ARHGEF9: variants seen among roughly 807,000 people sequenced by gnomAD.
ARHGEF9 encodes the protein Cdc42 guanine nucleotide exchange factor 9, also known as rho guanine nucleotide exchange factor 9.
A neutral mutation model predicts 41.3 loss-of-function variants in ARHGEF9; 2 were observed. The ratio of observed to expected loss-of-function variants is 0.05; its 90% CI spans 0.02 to 0.15. The LOEUF is 0.15. ARHGEF9 is among the 10% of genes least tolerant of loss of function. The probability of loss-of-function intolerance (pLI) is 1.00; values close to 1 mark genes in which losing one functional copy is unlikely to be tolerated. For synonymous variants in ARHGEF9, 160 were observed against 154.4 expected (o/e 1.04, Z -0.27); for missense variants, 225 against 424.7 (o/e 0.53, Z 4.13).
intron 4 of ARHGEF9, among the ~76,000 whole-genome samples, chrX:63,684,755 G>A (rs1250949650): frequency 1.8e-5 from 2 of 109,526 alleles, no homozygotes; most frequent in Admixed American, 2.0e-4. Context: ...TATACATACA[G>A]AGACACAGAA....
intron 4 of ARHGEF9, among the ~76,000 whole-genome samples, chrX:63,684,296 T>C (rs1423667275): frequency 9.1e-6 from 1 of 110,479 alleles, no homozygotes; most frequent in African/African-American, 3.3e-5. Flanking sequence ...ATCAGGAAAA[T>C]GCATATCAAA....
At position 63,785,100 on chromosome X, in the gene ARHGEF9, G is replaced by A; in HGVS notation, c.30+16C>T. The A allele has an allele frequency of 1.7e-6, 2 of 1,164,929 alleles. No homozygotes were observed. The highest frequency in any genetic ancestry group is 1.9e-5 in the South Asian group (1 of 52,438). On this transcript the variant is annotated intron_variant, in intron 1 of 9. Transcript: ENST00000671741. ...GAGAGGCTCAAGCAAGGGAAGCCAA[G>A]GTTACATGCACTCACCATTCCCGAT... is the stretch of plus-strand genomic sequence containing the variant.
intron 1 of ARHGEF9, chrX:63,743,414 T>C (rs2055081829): frequency 8.9e-6 from 1 of 112,543 alleles, no homozygotes; most frequent in Non-Finnish European, 1.9e-5. Context: ...TCCTTAGCCA[T>C]AAAATTGGGA....
At chrX:63,706,157 G>A (rs2052531008) in intron 3 of ARHGEF9, 101 bp downstream of exon 3, 3 of 906,398 alleles carry the variant, frequency 3.3e-6, no homozygotes, top group Middle Eastern at 7.6e-4. Context: ...GAATCTGGGA[G>A]GCTATGTGCC....
intron 2 of ARHGEF9, chrX:63,720,004 C>T: frequency 4.1e-6 from 1 of 246,163 alleles, no homozygotes; most frequent in East Asian, 6.0e-5. Flanking sequence ...TCATAAGGGC[C>T]ACCATGCATA....
chrX:63,778,205 G>C (rs1221612805), intron 1 of ARHGEF9, among the ~76,000 whole-genome samples: 1 of 112,446 alleles, frequency 8.9e-6, no homozygotes, highest in Non-Finnish European at 1.9e-5. Context: ...CTTGACTTCT[G>C]TGTACCCGCA....
chrX:63,655,714 C>T lies in ARHGEF9; in HGVS notation c.1101G>A (p.Leu367=), dbSNP rs1556335061. The T allele has an allele frequency of 1.7e-6, 2 of 1,209,490 alleles. No homozygotes were observed. The highest frequency in any genetic ancestry group is 3.5e-5 in the South Asian group (2 of 56,944). The part of the protein sequence containing the change: ...CKKDLIRRDI[L]YYKGRIDMDK... Reference sequence around the variant, plus strand: ...CCATGTCAATGCGGCCTTTGTAGTACAGGATGTCTCTCCGGATTAGGTCCT... The same window carrying T: ...CCATGTCAATGCGGCCTTTGTAGTATAGGATGTCTCTCCGGATTAGGTCCT... Residue 367 remains leucine, a synonymous_variant, in exon 8 of 10, where the codon CTG becomes CTA. Coordinates refer to ENST00000671741, the MANE Select transcript of ARHGEF9 (RefSeq NM_001353921.2).
At position 63,724,690 on chromosome X, in the gene ARHGEF9, C is replaced by T. The variant is rs1556415925; in HGVS notation, c.52G>A (p.Val18Ile). Residue 18 changes from valine to isoleucine, a missense_variant, in exon 2 of 10, where the codon GTT (valine) becomes ATT (isoleucine). Around this residue, in one of 3 missense-constraint regions of ARHGEF9, gnomAD observed 114 missense variants for 197.9 expected, o/e 0.58. Transcript: ENST00000671741. The stretch of plus-strand genomic sequence containing the variant: ...TGATCCCATACTGCCTCAGCACTAA[C>T]GATGGAATCTCCAGTGATCAGCTTA... Reference protein sequence around the residue: ...SGMLITGDSIVSAEAVWDHVT... With the variant: ...SGMLITGDSIISAEAVWDHVT... The T allele has an allele frequency of 5.8e-6, 7 of 1,211,503 alleles. No homozygotes were observed. The highest frequency in any genetic ancestry group is 3.5e-5 in the African/African-American group (2 of 57,735).
At chrX:63,776,823 T>A (rs2056300773) in intron 1 of ARHGEF9, among the ~76,000 whole-genome samples, 1 of 111,972 alleles carries the variant, frequency 8.9e-6, no homozygotes, top group South Asian at 3.7e-4. Flanking sequence ...ACGGCACTTT[T>A]AAATGCTAGG....
Position 63,655,517 on chromosome X carries a change from A to G in ARHGEF9, c.1298T>C (p.Met433Thr). The G allele has an allele frequency of 8.3e-7, 1 of 1,210,184 alleles. No homozygotes were observed. The highest frequency in any genetic ancestry group is 1.1e-6 in the Non-Finnish European group (1 of 894,965). Residue 433 changes from methionine to threonine, a missense_variant, in exon 8 of 10, where the codon ATG (methionine) becomes ACG (threonine). Met to Thr is a moderately conservative substitution (Grantham distance 81, BLOSUM62 -1). Coordinates refer to ENST00000671741, the MANE Select transcript of ARHGEF9 (RefSeq NM_001353921.2). ...ACCAATTTTTTCATCTTCCTGTACC[A>G]TTTTCCTCTCTTCTCTGAAAGCCCT... is the stretch of plus-strand genomic sequence containing the variant. The part of the protein sequence containing the change: ...WLRAFREERK[M>T]VQEDEKIGFE...
chrX:63,652,048 T>A (rs1556329626), intron 8 of ARHGEF9, among the ~76,000 whole-genome samples: 1 of 111,659 alleles, frequency 9.0e-6, no homozygotes, highest in Admixed American at 9.6e-5. Flanking sequence ...ATTCTACAAA[T>A]CTTTCAGAAT....
chrX:63,755,345 A>G, intron 1 of ARHGEF9: 3 of 608,097 alleles, frequency 4.9e-6, no homozygotes, highest in Non-Finnish European at 6.6e-6. Context: ...GGCGAGAGTC[A>G]CCAGCCACCA....
chrX:63,746,517 G>A (rs1438730569), intron 1 of ARHGEF9, among the ~76,000 whole-genome samples: 1 of 111,553 alleles, frequency 9.0e-6, no homozygotes, highest in African/African-American at 3.3e-5. Context: ...TAGGTTCTAG[G>A]CCACTAGAAC....
At chrX:63,666,447 T>TACACACACACAC (rs1289465150) in intron 6 of ARHGEF9, among the ~76,000 whole-genome samples, 1 of 22,789 alleles carries the variant, frequency 4.4e-5, no homozygotes, top group African/African-American at 1.4e-4. Flanking sequence ...CACATATATA[T>TACACACACACAC]ATACATACAC....
intron 4 of ARHGEF9, among the ~76,000 whole-genome samples, chrX:63,694,896 C>A (rs1170896660): frequency 1.8e-5 from 2 of 111,699 alleles, no homozygotes; most frequent in East Asian, 5.6e-4. Flanking sequence ...AAATGAAATT[C>A]TAGAACTAAT....
chrX:63,683,839 A>C (rs2050812254), intron 4 of ARHGEF9, among the ~76,000 whole-genome samples: 1 of 111,191 alleles, frequency 9.0e-6, no homozygotes, highest in African/African-American at 3.3e-5. Flanking sequence ...ATACACAAAA[A>C]TCAACTCAAA....
intron 8 of ARHGEF9, among the ~76,000 whole-genome samples, chrX:63,647,708 T>C (rs1179867355): frequency 9.0e-6 from 1 of 111,269 alleles, no homozygotes; most frequent in Non-Finnish European, 1.9e-5. Context: ...TTGTGGTGTC[T>C]CTGCCAGGCT....
intron 1 of ARHGEF9, chrX:63,754,937 G>C: frequency 2.1e-6 from 2 of 939,646 alleles, no homozygotes; most frequent in Non-Finnish European, 2.6e-6. Context: ...GTGGTTCTCC[G>C]GCGCCTGCTC....
chrX:63,652,537 G>T (rs1437878979), intron 8 of ARHGEF9, among the ~76,000 whole-genome samples: 3 of 110,996 alleles, frequency 2.7e-5, no homozygotes, highest in African/African-American at 9.8e-5. Context: ...ATTTTGATAT[G>T]CACGGGAGTC....
Sources: gnomAD v4.1 joint callset for allele counts (sites outside exome capture counted in the v4.1 genomes callset) on GRCh38, gnomAD v4.1.1 for gene constraint, gnomAD v4.1.1 regional missense constraint, MANE v1.5 for transcripts, NCBI Gene and HGNC (gene_info 2026-07-23, HGNC 2026-07-21) for gene names.